The following RRP1 variants were observed in gnomAD, a reference collection of about 807,000 sequenced individuals.
The protein encoded by RRP1 is ribosomal RNA processing 1.
In RRP1, 37 loss-of-function variants were observed where a neutral mutation model predicts 54.6. That is an observed-to-expected ratio of 0.68 (90% confidence interval 0.52 to 0.89). The LOEUF is 0.89. Among genes scored for constraint, RRP1 ranks in the 40% least tolerant of loss-of-function variants. The pLI, the probability that RRP1 is intolerant of heterozygous loss-of-function variation, is 0.00. For missense variants in RRP1, 639 were observed against 612.5 expected, an observed-to-expected ratio of 1.04 and a Z score of -0.46; for synonymous variants, 262 against 244.3, an observed-to-expected ratio of 1.07 and a Z score of -0.67.
chr21:43,800,592 C>G lies in RRP1; in HGVS notation c.967C>G (p.Arg323Gly). Residue 323 changes from arginine (R) to glycine (G), a missense_variant, in exon 10 of 13, where the codon CGT becomes GGT. Physicochemically the swap from Arg to Gly is moderately radical, Grantham distance 125. Coordinates refer to ENST00000497547, the MANE Select transcript of RRP1 (RefSeq NM_003683.6). ...RQSTPSQNRK[R>G]LYKVIRKLQD... ...GAGCACCCCTTCTCAGAACAGAAAG[C>G]GTCTCTACAAAGTGATCCGGAAGTG... 2 of 1,614,212 alleles carry G rather than the reference C, an allele frequency of 1.2e-6. No homozygotes were observed. The highest frequency in any genetic ancestry group is 1.7e-6 in the Non-Finnish European group (2 of 1,180,016).
chr21:43,799,843 G>C (rs1569016937), intron 9 of RRP1, among the ~76,000 whole-genome samples, 194 bp downstream of exon 9: 1 of 152,134 alleles, frequency 6.6e-6, no homozygotes, highest in African/African-American at 2.4e-5. Context: ...GGATCATTGA[G>C]AGTGGGGCTG....
At chr21:43,792,533 G>A (rs558194794) in intron 2 of RRP1, 139 bp from the exon 3 acceptor site, 14 of 807,888 alleles carry the variant, frequency 1.7e-5, no homozygotes, top group Non-Finnish European at 2.7e-5. Context: ...AACCTCCAGT[G>A]CACTGAGCTG....
chr21:43,800,290 C>T (rs1003720175), intron 9 of RRP1, among the ~76,000 whole-genome samples: 6 of 150,956 alleles, frequency 4.0e-5, no homozygotes, highest in African/African-American at 1.5e-4. Flanking sequence ...CCAGAGTGTG[C>T]CCCGCAGTGC....
chr21:43,792,283 G>A (rs2084968196), intron 2 of RRP1, among the ~76,000 whole-genome samples: 1 of 152,178 alleles, frequency 6.6e-6, no homozygotes, highest in Non-Finnish European at 1.5e-5. Flanking sequence ...GATCTATGGG[G>A]TCTCGCAGCC....
Position 43,803,632 on chromosome 21 carries a change from G to T in RRP1, c.1244G>T (p.Arg415Leu). The change falls in exon 13 of 13, where the codon CGG (arginine) becomes CTG (leucine). Residue 415 changes from arginine to leucine, a missense_variant. Coordinates refer to ENST00000497547, the MANE Select transcript of RRP1 (RefSeq NM_003683.6). ...GGTGAGCAGCCAGGCACAGCTGAGC[G>T]GGCCCTGCTCCGAGATCAGCCCAGG... The part of the protein sequence containing the change: ...EAGEQPGTAE[R>L]ALLRDQPRGR... 1 of 1,551,086 alleles carries T rather than the reference G, an allele frequency of 6.4e-7. No individual in the cohort carries two copies. The highest frequency in any genetic ancestry group is 2.4e-5 in the East Asian group (1 of 41,042).
chr21:43,794,005 T>C (rs996605282), intron 4 of RRP1, among the ~76,000 whole-genome samples: 1 of 152,152 alleles, frequency 6.6e-6, no homozygotes, highest in Non-Finnish European at 1.5e-5. Context: ...ATTGTAACCT[T>C]AGAGCAGGCC....
chr21:43,798,453 T>C (rs1047896466), intron 8 of RRP1, among the ~76,000 whole-genome samples: 3 of 152,136 alleles, frequency 2.0e-5, no homozygotes, highest in African/African-American at 7.2e-5. Flanking sequence ...GGCTGGACTC[T>C]TTCAGCCTCC....
At chr21:43,799,342 A>T (rs1467738339) in intron 8 of RRP1, among the ~76,000 whole-genome samples, 4 of 133,080 alleles carry the variant, frequency 3.0e-5, no homozygotes, top group South Asian at 5.3e-4. Flanking sequence ...CATCCTGTCC[A>T]TACGAGATTA....
rs778949035 is a variant in RRP1, at chr21:43,793,341, C to T, written c.297C>T (p.Phe99=). Residue 99 remains phenylalanine, a synonymous_variant, in exon 4 of 13, where the codon TTC becomes TTT. Transcript: ENST00000497547. Reference sequence around the variant, plus strand: ...CAGAGCACCTGTTCCTTCAGGCCTTCTGGCAGACCATGAATCGCGAGTGGA... The same window carrying T: ...CAGAGCACCTGTTCCTTCAGGCCTTTTGGCAGACCATGAATCGCGAGTGGA... ...TEAQHLFLQA[F]WQTMNREWTG... 60 of 1,614,066 alleles carry T rather than the reference C, an allele frequency of 3.7e-5. No homozygotes were observed. Among genetic ancestry groups the T allele is most frequent in the Non-Finnish European group, 4.8e-5 (57 of 1,180,040 alleles).
intron 11 of RRP1, among the ~76,000 whole-genome samples, chr21:43,801,520 G>T (rs1214355830): frequency 6.6e-6 from 1 of 152,150 alleles, no homozygotes; most frequent in African/African-American, 2.4e-5. Context: ...TGTTGCCCAG[G>T]ATGGCGTGCA....
At chr21:43,797,362 G>C (rs2085030191) in intron 5 of RRP1, 60 bp from the exon 6 acceptor site, 1 of 1,551,132 alleles carries the variant, frequency 6.4e-7, no homozygotes, top group Admixed American at 1.8e-5. Flanking sequence ...GAGAGTGGGG[G>C]GCACGGCTGT....
intron 3 of RRP1, 193 bp from the exon 4 acceptor site, chr21:43,793,126 C>A: frequency 1.7e-6 from 1 of 595,186 alleles, no homozygotes; most frequent in Non-Finnish European, 3.0e-6. Flanking sequence ...CTGTAGGACT[C>A]ACTTGAGGAG....
chr21:43,792,599 G>A (rs945257969), intron 2 of RRP1, 73 bp from the exon 3 acceptor site: 2 of 1,417,642 alleles, frequency 1.4e-6, no homozygotes, highest in South Asian at 1.2e-5. Flanking sequence ...GGGTGAGTGG[G>A]TGGTTGCGTG....
intron 4 of RRP1, 63 bp downstream of exon 4, chr21:43,793,467 G>C (rs892314431): frequency 1.4e-6 from 2 of 1,419,118 alleles, no homozygotes; most frequent in East Asian, 2.3e-5. Flanking sequence ...CTGGCCAAGC[G>C]AGACAGGCGG....
At chr21:43,790,128 C>T (rs1161087948) in intron 1 of RRP1, among the ~76,000 whole-genome samples, 1 of 152,250 alleles carries the variant, frequency 6.6e-6, no homozygotes, top group Non-Finnish European at 1.5e-5. Context: ...TTCTGTTTTG[C>T]GTTAATTATT....
chr21:43,798,598 A>G (rs2085048967), intron 8 of RRP1, among the ~76,000 whole-genome samples: 3 of 151,880 alleles, frequency 2.0e-5, no homozygotes, highest in Non-Finnish European at 1.5e-5. Context: ...CATATTGACC[A>G]TGACTGGGTT....
rs17004508 is a variant in RRP1 at position 43,793,504 on chromosome 21, C to T, written c.360+100C>T. ...ACCTGGGCAGGGAGGCAACCTGAGG[C>T]AGTGCGACCCTGAAGCCAGGGGTGG... On this transcript the variant is annotated intron_variant, in intron 4 of 12. Transcript: ENST00000497547. The T allele has an allele frequency of 0.011, 10,502 of 956,584 alleles. 618 individuals carry two copies. In the African/African-American group the frequency reaches 0.14, roughly 13 times the overall value. The allele number at this position is 956,584 out of a possible 1,614,324, so 59.3% of individuals were successfully genotyped here. A position where few individuals can be genotyped will look rare whatever the true frequency, so the allele number is the denominator to read the frequency against.
chr21:43,792,619 G>A, intron 2 of RRP1, 53 bp from the exon 3 acceptor site: 1 of 1,582,888 alleles, frequency 6.3e-7, no homozygotes, highest in Non-Finnish European at 8.7e-7. Context: ...GTGTGTCATT[G>A]TGAGAGCCTG....
At chr21:43,791,213 G>C (rs1371315553) in intron 1 of RRP1, 137 bp from the exon 2 acceptor site, 10 of 848,714 alleles carry the variant, frequency 1.2e-5, no homozygotes, top group Middle Eastern at 4.6e-4. Flanking sequence ...GAAGGGGAGG[G>C]CCAGATTCTG....
Sources: allele counts gnomAD v4.1 joint callset (sites outside exome capture counted in the v4.1 genomes callset), GRCh38; gene constraint gnomAD v4.1.1; transcripts MANE v1.5; gene names NCBI Gene and HGNC (gene_info 2026-07-23, HGNC 2026-07-21).